Variants in FBXO38 observed in about 807,000 individuals in gnomAD.
FBXO38 encodes the protein F-box only protein 38.
In FBXO38, 53 loss-of-function variants were observed where a neutral mutation model predicts 131.9. The observed-to-expected ratio is 0.40, with a 90% CI of 0.32 to 0.51. The LOEUF (loss-of-function observed/expected upper bound fraction) is 0.51. Among genes scored for constraint, FBXO38 ranks in the 20% least tolerant of loss-of-function variants. The pLI, the probability that FBXO38 is intolerant of heterozygous loss-of-function variation, is 0.53. For synonymous variants in FBXO38, 452 were observed against 505.6 expected, an observed-to-expected ratio of 0.89 and a Z score of 1.42; for missense variants, 1,076 against 1,475.6, an observed-to-expected ratio of 0.73 and a Z score of 4.44.
intron 18 of FBXO38, among the ~76,000 whole-genome samples, chr5:148,439,061 T>C (rs1754519131): frequency 6.6e-6 from 1 of 152,164 alleles, no homozygotes; most frequent in East Asian, 1.9e-4. Flanking sequence ...GTCTCAAAAC[T>C]TAAAATATGC....
chr5:148,415,849 T>G (rs1046077816), intron 10 of FBXO38, 79 bp from the exon 11 acceptor site: 73 of 1,456,282 alleles, frequency 5.0e-5, no homozygotes, highest in Non-Finnish European at 6.9e-5. Context: ...TTGAAAGTCT[T>G]TGTGACCTGT....
At chr5:148,399,278 G>T in intron 3 of FBXO38, 146 bp downstream of exon 3, 2 of 853,236 alleles carry the variant, frequency 2.3e-6, no homozygotes, top group South Asian at 1.9e-5. Flanking sequence ...ATTTATGTTG[G>T]GTTTTAGGTT....
At chr5:148,410,579 C>T in intron 8 of FBXO38, 56 bp from the exon 9 acceptor site, 1 of 1,596,830 alleles carries the variant, frequency 6.3e-7, no homozygotes, top group Admixed American at 1.7e-5. Context: ...TAGGAGGAAT[C>T]TTTGATTCTG....
At chr5:148,428,047 T>C in intron 15 of FBXO38, 100 bp downstream of exon 15, 1 of 1,322,874 alleles carries the variant, frequency 7.6e-7, no homozygotes, top group Non-Finnish European at 9.9e-7. Flanking sequence ...TTTGGCAAAT[T>C]AAATTCTATT....
chr5:148,430,189 GT>G (rs1313756844), intron 15 of FBXO38: 1 of 144,844 alleles, frequency 6.9e-6, no homozygotes, highest in Non-Finnish European at 1.5e-5. Flanking sequence ...AATTCTCGCT[GT>G]GTCAGCCAGG....
intron 9 of FBXO38, among the ~76,000 whole-genome samples, chr5:148,412,361 T>C (rs973189609): frequency 1.3e-5 from 2 of 152,168 alleles, no homozygotes; most frequent in Non-Finnish European, 2.9e-5. Context: ...ACTTAGTTTC[T>C]CTCTTCTCAG....
intron 7 of FBXO38, among the ~76,000 whole-genome samples, chr5:148,408,464 A>T (rs1752561037): frequency 6.6e-6 from 1 of 152,248 alleles, no homozygotes; most frequent in Non-Finnish European, 1.5e-5. Context: ...CCCAAAATGG[A>T]AAGATGCCTA....
At chr5:148,415,182 A>G (rs984041298) in intron 10 of FBXO38, among the ~76,000 whole-genome samples, 1 of 152,198 alleles carries the variant, frequency 6.6e-6, no homozygotes, top group Non-Finnish European at 1.5e-5. Context: ...GCAGGCGTAG[A>G]TGACTTTAAA....
Position 148,406,354 on chromosome 5 carries a change from A to G in FBXO38, c.828A>G (p.Gly276=). Residue 276 remains glycine (G), a synonymous_variant, in exon 7 of 22, where the codon GGA becomes GGG. Transcript: ENST00000340253. ...AAATGGTTCGAGTTCCTTTCCTTGG[A>G]GGTCTTATCCAACATGTTGTTGAAG... ...HLEMVRVPFL[G]GLIQHVVEDS... 1 of 1,607,672 alleles carries G rather than the reference A, an allele frequency of 6.2e-7. No individual in the cohort carries two copies.
intron 1 of FBXO38, chr5:148,390,003 T>A (rs1360309400): frequency 1.3e-5 from 2 of 150,124 alleles, no homozygotes; most frequent in Non-Finnish European, 2.9e-5. Flanking sequence ...CACTCCAGCC[T>A]GGGCAACACA....
intron 12 of FBXO38, among the ~76,000 whole-genome samples, chr5:148,422,061 T>A (rs528115199): frequency 4.6e-5 from 7 of 151,862 alleles, no homozygotes; most frequent in Non-Finnish European, 8.8e-5. Context: ...TTTTTTTTTT[T>A]ACCTAAATGT....
Position 148,427,297 on chromosome 5 carries a change from G to T in FBXO38, c.2003G>T (p.Ser668Ile). Reference protein sequence around the residue: ...GQSKQFPLEESSCEKGCQVTS... With the variant: ...GQSKQFPLEEISCEKGCQVTS... ...TCGAAGCAGTTTCCCCTCGAGGAAAGCAGCTGTGAGAAAGGCTGTCAGGTC... is the reference window on the plus strand; with the variant it reads ...TCGAAGCAGTTTCCCCTCGAGGAAATCAGCTGTGAGAAAGGCTGTCAGGTC... Residue 668 changes from serine to isoleucine, a missense_variant, in exon 15 of 22, where the codon AGC (serine) becomes ATC (isoleucine). Ser to Ile is a moderately radical substitution (Grantham distance 142). Transcript: ENST00000340253. 6.2e-7 allele frequency: 1 copy of T among 1,614,166 alleles called. No homozygotes were observed. The highest frequency in any genetic ancestry group is 8.5e-7 in the Non-Finnish European group (1 of 1,180,024).
chr5:148,432,888 G>C (rs932497749), intron 15 of FBXO38, among the ~76,000 whole-genome samples: 17 of 152,170 alleles, frequency 1.1e-4, no homozygotes, highest in African/African-American at 4.1e-4. Flanking sequence ...GCTTGAGTTG[G>C]ACCTTTCATA....
At chr5:148,417,229 C>T (rs1753112295) in intron 12 of FBXO38, 25 bp downstream of exon 12, 4 of 1,462,300 alleles carry the variant, frequency 2.7e-6, no homozygotes, top group Non-Finnish European at 3.8e-6. Flanking sequence ...TTATGAGCTC[C>T]AGATAGAAAT....
chr5:148,397,259 A>G (rs886509617), intron 2 of FBXO38, among the ~76,000 whole-genome samples: 1 of 152,138 alleles, frequency 6.6e-6, no homozygotes, highest in Admixed American at 6.5e-5. Context: ...CTAAAGTGTT[A>G]TATTTGATCT....
intron 4 of FBXO38, 30 bp from the exon 5 acceptor site, chr5:148,402,318 T>C: frequency 6.3e-7 from 1 of 1,581,386 alleles, no homozygotes; most frequent in Non-Finnish European, 8.6e-7. Context: ...TAAAGTCTTT[T>C]CTTATGCTTG....
At chr5:148,433,797 C>T in intron 17 of FBXO38, 60 bp downstream of exon 17, 2 of 874,270 alleles carry the variant, frequency 2.3e-6, no homozygotes, top group Non-Finnish European at 3.6e-6. Flanking sequence ...GAATTAGGAA[C>T]TCATAAATAC....
chr5:148,433,390 A>C, intron 15 of FBXO38, 34 bp from the exon 16 acceptor site: 1 of 1,509,536 alleles, frequency 6.6e-7, no homozygotes, highest in Non-Finnish European at 9.2e-7. Context: ...AGCAAGGCTA[A>C]AATTTGGATT....
chr5:148,386,681 A>G (rs1757930756), intron 1 of FBXO38, among the ~76,000 whole-genome samples: 1 of 152,136 alleles, frequency 6.6e-6, no homozygotes, highest in African/African-American at 2.4e-5. Flanking sequence ...AACACCTGGT[A>G]CCGCAAAGTA....
Sources: gnomAD v4.1 joint callset for allele counts (sites outside exome capture counted in the v4.1 genomes callset) on GRCh38, gnomAD v4.1.1 for gene constraint, MANE v1.5 for transcripts, NCBI Gene and HGNC (gene_info 2026-07-23, HGNC 2026-07-21) for gene names.